Variants in EMC3 observed in about 807,000 individuals in gnomAD.
EMC3 encodes the protein ER membrane protein complex subunit 3, also known as 30 kDa protein.
In EMC3, 13 loss-of-function variants were observed where a neutral mutation model predicts 36.6. The ratio of observed to expected loss-of-function variants is 0.35; its 90% confidence interval spans 0.23 to 0.56. EMC3 has a LOEUF of 0.56. Among genes scored for constraint, EMC3 ranks in the 20% least tolerant of loss-of-function variants. EMC3 has a pLI of 0.84. For missense variants in EMC3, 220 were observed against 324.5 expected (o/e 0.68, Z 2.47); for synonymous variants, 120 against 111.9 (o/e 1.07, Z -0.46).
At chr3:9,988,609 T>G, upstream of EMC3, 1 of 902,672 alleles carries the variant, frequency 1.1e-6, no homozygotes, top group East Asian at 2.4e-5. Context: ...GGTTGCCATA[T>G]GGACACATTG....
rs544247776 is a variant in EMC3, at chr3:9,964,642, C to T, written c.658-445G>A. ...CCATCTGGTTTAAATGGTGCATGGT[C>T]CACAATGCTTTGACATAAATGGCCC... On this transcript the variant is annotated intron_variant, in intron 7 of 7. Transcript: ENST00000245046. Among the ~76,000 whole-genome samples the T allele has an allele frequency of 1.7e-4, 26 of 152,300 alleles. 1 individual carries two copies. In the South Asian group the frequency reaches 5.2e-3, roughly 30 times the overall value.
At chr3:9,995,389 A>C (rs1241769638) in intron 1 of EMC3, among the ~76,000 whole-genome samples, 1 of 151,908 alleles carries the variant, frequency 6.6e-6, no homozygotes, top group Non-Finnish European at 1.5e-5. Context: ...CAAAATCAGG[A>C]GGGCTTAGGT....
intron 1 of EMC3, chr3:10,007,723 T>G (rs978199162): frequency 1.7e-6 from 2 of 1,188,284 alleles, no homozygotes; most frequent in Non-Finnish European, 2.2e-6. Flanking sequence ...AATCTGTGGG[T>G]GCAGATGCCC....
chr3:9,975,612 A>G (rs966237420), intron 3 of EMC3, among the ~76,000 whole-genome samples: 2 of 152,042 alleles, frequency 1.3e-5, no homozygotes, highest in Non-Finnish European at 2.9e-5. Context: ...GGAGATGGAG[A>G]CCATCCTGGC....
At chr3:10,006,669 G>C (rs1361659930) in intron 1 of EMC3, 1 of 203,274 alleles carries the variant, frequency 4.9e-6, no homozygotes, top group Non-Finnish European at 1.0e-5. Flanking sequence ...GGGGTTGTCA[G>C]TTAAAGGACC....
chr3:9,969,188 G>A, intron 7 of EMC3: 1 of 265,332 alleles, frequency 3.8e-6, no homozygotes, highest in South Asian at 6.7e-5. Flanking sequence ...TCGAACTCCT[G>A]AACTCAGGTG....
chr3:9,979,850 G>A (rs1022919469), intron 1 of EMC3, among the ~76,000 whole-genome samples: 1 of 152,108 alleles, frequency 6.6e-6, no homozygotes, highest in South Asian at 2.1e-4. Context: ...AAGTGCTGGT[G>A]TAAACAAAAT....
chr3:9,991,688 C>G (rs916331640), upstream of EMC3, among the ~76,000 whole-genome samples: 1 of 152,156 alleles, frequency 6.6e-6, no homozygotes. Context: ...CCTGATTATC[C>G]TTTTGCAGGC....
intron 3 of EMC3, among the ~76,000 whole-genome samples, chr3:9,975,315 GTT>G (rs1287787983): frequency 6.6e-6 from 1 of 152,110 alleles, no homozygotes; most frequent in African/African-American, 2.4e-5. Context: ...ATGTTTATGT[GTT>G]TCCGTAAGAG....
chr3:9,997,380 C>T (rs978218087), intron 1 of EMC3, among the ~76,000 whole-genome samples: 1 of 151,796 alleles, frequency 6.6e-6, no homozygotes, highest in African/African-American at 2.4e-5. Context: ...AGCATATTTT[C>T]AAGGTTCATG....
chr3:9,987,830 T>G (rs1252772854), upstream of EMC3: 1 of 604,538 alleles, frequency 1.7e-6, no homozygotes, highest in African/African-American at 1.9e-5. Context: ...CAGGAGATTG[T>G]CATGGTTGAG....
chr3:9,987,452 G>T (rs538761440), upstream of EMC3, among the ~76,000 whole-genome samples: 14 of 152,228 alleles, frequency 9.2e-5, no homozygotes, highest in South Asian at 2.9e-3. Context: ...GAGGAAATGA[G>T]AAAGGCTTTT....
rs10258 is a variant in EMC3, at chr3:9,986,686, C to A, written c.-25G>T. ...TCTTCACTGAAAGCTGGTTCCCAGT[C>A]TGGAATGGGCGAGCTTCTCTTCTCC... On this transcript the variant is annotated 5_prime_UTR_variant, in exon 1 of 8. Coordinates refer to ENST00000245046, the MANE Select transcript of EMC3 (RefSeq NM_001394674.1). 7 of 1,612,340 alleles carry A rather than the reference C, an allele frequency of 4.3e-6. No homozygotes were observed. The South Asian group carries it at 6.6e-5, about 15-fold the overall frequency.
intron 2 of EMC3, 94 bp downstream of exon 2, chr3:9,977,295 C>T (rs1237807020): frequency 8.1e-7 from 1 of 1,241,558 alleles, no homozygotes; most frequent in Non-Finnish European, 1.1e-6. Context: ...AGTTGCCAAC[C>T]TTTAGCTTTC....
chr3:9,990,314 C>T (rs1379978682), upstream of EMC3, among the ~76,000 whole-genome samples: 4 of 142,642 alleles, frequency 2.8e-5, no homozygotes, highest in East Asian at 2.0e-4. Flanking sequence ...GCCACCGTGC[C>T]GGGCCTTTCT....
chr3:9,998,407 AT>A (rs1432419764), intron 1 of EMC3, among the ~76,000 whole-genome samples: 2 of 143,544 alleles, frequency 1.4e-5, no homozygotes, highest in Non-Finnish European at 3.0e-5. Context: ...AATAATAATA[AT>A]TTTGCTTTTA....
intron 1 of EMC3, among the ~76,000 whole-genome samples, chr3:9,984,302 A>G (rs2085944759): frequency 1.3e-5 from 2 of 150,692 alleles, no homozygotes; most frequent in Admixed American, 6.6e-5. Flanking sequence ...GGATGGTCTC[A>G]ATCTCTTGAC....
At position 9,986,786 on chromosome 3, in the gene EMC3, C is replaced by A. The variant is rs1415266048; in HGVS notation, c.-125G>T. 5 of 1,486,612 alleles carry A rather than the reference C, an allele frequency of 3.4e-6. No homozygotes were observed. Among genetic ancestry groups the A allele is most frequent in the African/African-American group, 1.4e-5 (1 of 71,202 alleles). The allele number at this position is 1,486,612 out of a possible 1,614,324, so 92.1% of individuals were successfully genotyped here. The stretch of plus-strand genomic sequence containing the variant: ...CTTTGCCCGTGTACCCCAGAACTCT[C>A]CTGCGACTGTGAGCCGAGCTTACTG... On this transcript the variant is annotated 5_prime_UTR_variant, in exon 1 of 8. Coordinates refer to ENST00000245046, the MANE Select transcript of EMC3 (RefSeq NM_001394674.1).
chr3:10,002,153 T>TA lies in EMC3; in HGVS notation c.-242+8869dup, dbSNP rs1261539923. On this transcript the variant is annotated intron_variant, in intron 1 of 8. Transcript: ENST00000470827. ...TGCAAACTATGTTGTGGGACTTTGATAAGGATTGCATTGAATCACTTTGAA... is the reference window on the plus strand; with the variant it reads ...TGCAAACTATGTTGTGGGACTTTGATAAAGGATTGCATTGAATCACTTTGAA... Among the ~76,000 whole-genome samples the TA allele has an allele frequency of 3.3e-5, 5 of 152,190 alleles. No individual in the cohort carries two copies. In the East Asian group the frequency reaches 9.6e-4, roughly 29 times the overall value.
Sources: gnomAD v4.1 joint callset for allele counts (sites outside exome capture counted in the v4.1 genomes callset) on GRCh38, gnomAD v4.1.1 for gene constraint, MANE v1.5 for transcripts, NCBI Gene and HGNC (gene_info 2026-07-23, HGNC 2026-07-21) for gene names.